PPP6R3: variants seen among roughly 807,000 people sequenced by gnomAD.
The protein encoded by PPP6R3 is serine/threonine-protein phosphatase 6 regulatory subunit 3.
PPP6R3 carries 38 observed loss-of-function variants against 110.7 expected under a neutral mutation model. That is an observed-to-expected ratio of 0.34 (90% confidence interval 0.26 to 0.45). The LOEUF is 0.45. Ranked by LOEUF, PPP6R3 falls within the 20% of genes least tolerant of loss-of-function variation. PPP6R3 has a pLI of 1.00. For synonymous variants in PPP6R3, 369 were observed against 373.5 expected, an observed-to-expected ratio of 0.99 and a Z score of 0.14; for missense variants, 870 against 1,062.4, an observed-to-expected ratio of 0.82 and a Z score of 2.52.
intron 4 of PPP6R3, among the ~76,000 whole-genome samples, chr11:68,546,762 G>A (rs568111847): frequency 2.3e-4 from 35 of 152,258 alleles, no homozygotes; most frequent in Non-Finnish European, 4.1e-4. Flanking sequence ...GCACCCCAGC[G>A]GGGTCATCTG....
intron 8 of PPP6R3, among the ~76,000 whole-genome samples, chr11:68,561,900 C>G (rs567258039): frequency 6.6e-6 from 1 of 152,288 alleles, no homozygotes; most frequent in East Asian, 1.9e-4. Context: ...GCTAGGACTA[C>G]AGGCACAAGC....
At chr11:68,490,838 T>C (rs977903909) in intron 1 of PPP6R3, among the ~76,000 whole-genome samples, 5 of 152,302 alleles carry the variant, frequency 3.3e-5, no homozygotes, top group Middle Eastern at 3.4e-3. Context: ...ATGTTATCTT[T>C]CTGTTCTTGC....
intron 3 of PPP6R3, among the ~76,000 whole-genome samples, chr11:68,539,582 G>A (rs1179317726): frequency 6.6e-6 from 1 of 152,228 alleles, no homozygotes. Flanking sequence ...CCACCTGTGT[G>A]TAACATATCT....
In PPP6R3 at chr11:68,570,029, G is replaced by A. The variant is rs556656273; in HGVS notation, c.1278+132G>A. ...GAGTCTAAATATTTGACAATCATGT[G>A]TTCGTTTCACTTTTAACATATAAAT... is the stretch of plus-strand genomic sequence containing the variant. On this transcript the variant is annotated intron_variant, in intron 11 of 23. Transcript: ENST00000393800. The A allele has an allele frequency of 6.7e-5, 54 of 806,878 alleles. No homozygotes were observed. In the African/African-American group the frequency reaches 8.2e-4, roughly 12 times the overall value. 50.0% of individuals were successfully genotyped at this position (806,878 alleles called of 1,614,324 possible). A position where few individuals can be genotyped will look rare whatever the true frequency, so the allele number is the denominator to read the frequency against.
intron 14 of PPP6R3, among the ~76,000 whole-genome samples, chr11:68,576,481 G>T (rs143933507): frequency 6.6e-6 from 1 of 152,278 alleles, no homozygotes; most frequent in East Asian, 1.9e-4. Context: ...ATTCCCAATG[G>T]GGGAATATTT....
At chr11:68,610,251 T>G (rs1393647326) in intron 23 of PPP6R3, among the ~76,000 whole-genome samples, 1 of 152,168 alleles carries the variant, frequency 6.6e-6, no homozygotes, top group South Asian at 2.1e-4. Context: ...AACCAGTTTT[T>G]AGAGACTCTT....
Position 68,600,413 on chromosome 11 carries a change from C to A in PPP6R3, c.2111C>A (p.Ser704Tyr). The A allele has an allele frequency of 1.2e-6, 2 of 1,614,152 alleles. No individual in the cohort carries two copies. Among genetic ancestry groups the A allele is most frequent in the Non-Finnish European group, 1.7e-6 (2 of 1,179,990 alleles). ...THGAPLDSVGSDVWSTEEPMP... is the reference protein window; with the variant it reads ...THGAPLDSVGYDVWSTEEPMP... ...GGTGCTCCATTGGATTCTGTGGGATCTGATGTCTGGAGCACAGAGGAGCCG... is the reference window on the plus strand; with the variant it reads ...GGTGCTCCATTGGATTCTGTGGGATATGATGTCTGGAGCACAGAGGAGCCG... Residue 704 changes from serine (S) to tyrosine (Y), a missense_variant, in exon 20 of 24, where the codon TCT becomes TAT. By Grantham distance (144) the Ser-to-Tyr change is moderately radical. Transcript: ENST00000393800.
chr11:68,566,219 TACCACC>T (rs1006224775), intron 9 of PPP6R3, among the ~76,000 whole-genome samples: 1 of 150,172 alleles, frequency 6.7e-6, no homozygotes, highest in African/African-American at 2.5e-5. Context: ...TAGCAACTAC[TACCACC>T]ACCACCACCA....
chr11:68,530,586 A>C (rs906724671), intron 2 of PPP6R3, among the ~76,000 whole-genome samples: 4 of 152,184 alleles, frequency 2.6e-5, no homozygotes, highest in South Asian at 2.1e-4. Context: ...CGGTGTTGCT[A>C]TCTTGAGGAT....
chr11:68,523,686 A>G (rs1213203081), intron 2 of PPP6R3, among the ~76,000 whole-genome samples: 1 of 121,906 alleles, frequency 8.2e-6, no homozygotes, highest in African/African-American at 3.3e-5. Context: ...GCTTTCTTCT[A>G]TTTCCTACCC....
chr11:68,503,154 G>A (rs928264423), intron 1 of PPP6R3, among the ~76,000 whole-genome samples: 1 of 152,088 alleles, frequency 6.6e-6, no homozygotes, highest in Non-Finnish European at 1.5e-5. Flanking sequence ...ATATTGGACA[G>A]GCTGGTCTCA....
At chr11:68,533,867 G>A (rs2099255155) in intron 2 of PPP6R3, among the ~76,000 whole-genome samples, 2 of 152,110 alleles carry the variant, frequency 1.3e-5, no homozygotes, top group African/African-American at 2.4e-5. Context: ...GTTAGGCCAC[G>A]CTGCTGGAGC....
intron 2 of PPP6R3, among the ~76,000 whole-genome samples, chr11:68,530,054 A>G (rs2099228151): frequency 6.6e-6 from 1 of 152,282 alleles, no homozygotes; most frequent in Non-Finnish European, 1.5e-5. Context: ...CTTAGTACCA[A>G]AAGAAATAAT....
chr11:68,614,334 C>G lies in PPP6R3; in HGVS notation c.*1217C>G. On this transcript the variant is annotated 3_prime_UTR_variant, in exon 24 of 24. Coordinates refer to ENST00000393800, the MANE Select transcript of PPP6R3 (RefSeq NM_001164161.2). Reference sequence around the variant, plus strand: ...TACATCACAGCCTTCTCAAACAGCTCAAGCAATATATTGTATATTGCCATA... The same window carrying G: ...TACATCACAGCCTTCTCAAACAGCTGAAGCAATATATTGTATATTGCCATA... The G allele has an allele frequency of 9.0e-7, 1 of 1,105,634 alleles. No homozygotes were observed. The highest frequency in any genetic ancestry group is 1.1e-6 in the Non-Finnish European group (1 of 905,476). 68.5% of individuals were successfully genotyped at this position (1,105,634 alleles called of 1,614,324 possible).
At position 68,527,685 on chromosome 11, in the gene PPP6R3, C is replaced by T. The variant is rs555886878; in HGVS notation, c.-7+8034C>T. Among the ~76,000 whole-genome samples the T allele has an allele frequency of 4.9e-4, 75 of 152,344 alleles. No homozygotes were observed. In the South Asian group the frequency reaches 0.015, roughly 31 times the overall value. On this transcript the variant is annotated intron_variant, in intron 2 of 23. Transcript: ENST00000393800. ...CTGTAGATATTTTAATGCATACTTT[C>T]CTCAGTTAAAACTCACTGGATCTGT...
rs892488595 is a variant in PPP6R3 at position 68,517,057 on chromosome 11, C to T, written c.-157-2444C>T. ...CTTGGTATGGGTCTGTTTTAAGTAACGGTTTTGAGAATTATTTATCTGATT... is the reference window on the plus strand; with the variant it reads ...CTTGGTATGGGTCTGTTTTAAGTAATGGTTTTGAGAATTATTTATCTGATT... On this transcript the variant is annotated intron_variant, in intron 1 of 23. Transcript: ENST00000393800. Among the ~76,000 whole-genome samples the T allele has an allele frequency of 4.6e-5, 7 of 150,992 alleles. No homozygotes were observed. The South Asian group carries it at 6.3e-4, about 14-fold the overall frequency.
At chr11:68,493,669 C>G (rs1591989014) in intron 1 of PPP6R3, among the ~76,000 whole-genome samples, 1 of 149,402 alleles carries the variant, frequency 6.7e-6, no homozygotes, top group African/African-American at 2.4e-5. Context: ...CACACACACA[C>G]AGAGACAGAG....
intron 4 of PPP6R3, among the ~76,000 whole-genome samples, chr11:68,546,185 T>G (rs2099348307): frequency 6.6e-6 from 1 of 152,214 alleles, no homozygotes; most frequent in Non-Finnish European, 1.5e-5. Context: ...TTGGTAATAA[T>G]CCCCAAATCA....
intron 11 of PPP6R3, among the ~76,000 whole-genome samples, chr11:68,570,258 A>G (rs2099498162): frequency 3.3e-5 from 5 of 152,146 alleles, no homozygotes. Context: ...TTCTTTGCTG[A>G]ATACGTGACT....
Sources: allele counts gnomAD v4.1 joint callset (sites outside exome capture counted in the v4.1 genomes callset), GRCh38; gene constraint gnomAD v4.1.1; transcripts MANE v1.5; gene names NCBI Gene and HGNC (gene_info 2026-07-23, HGNC 2026-07-21).